ANTXR2: variants seen among roughly 807,000 people sequenced by gnomAD.
ANTXR2 encodes anthrax toxin receptor 2.
Under a neutral mutation model 73.7 loss-of-function variants are expected in ANTXR2, and 44 were observed. The ratio of observed to expected loss-of-function variants is 0.60; its 90% confidence interval spans 0.47 to 0.77. The LOEUF (loss-of-function observed/expected upper bound fraction) is 0.77, where lower values mean the gene tolerates loss of function less well. Ranked by LOEUF, ANTXR2 falls within the 30% of genes least tolerant of loss-of-function variation. The pLI is 0.00. For synonymous variants in ANTXR2, 217 were observed against 205.9 expected (o/e 1.05, Z -0.46); for missense variants, 604 against 592.5 (o/e 1.02, Z -0.20).
intron 16 of ANTXR2, among the ~76,000 whole-genome samples, chr4:79,960,375 C>G (rs1578113244): frequency 6.6e-6 from 1 of 151,938 alleles, no homozygotes; most frequent in African/African-American, 2.4e-5. Context: ...ATTATGGGAA[C>G]CTAAAGTATC....
intron 16 of ANTXR2, among the ~76,000 whole-genome samples, chr4:79,976,123 A>T (rs1361878696): frequency 2.6e-5 from 4 of 152,040 alleles, no homozygotes; most frequent in Non-Finnish European, 5.9e-5. Flanking sequence ...CATGTTAGCC[A>T]GGATGGTCTC....
intron 16 of ANTXR2, among the ~76,000 whole-genome samples, chr4:79,930,296 G>A (rs1270150413): frequency 6.6e-6 from 1 of 152,106 alleles, no homozygotes; most frequent in African/African-American, 2.4e-5. Flanking sequence ...TTATATAAGA[G>A]AGGCCTTACC....
chr4:79,996,572 A>G (rs4422368), intron 12 of ANTXR2, among the ~76,000 whole-genome samples: 97,111 of 151,736 alleles, frequency 0.64, 34,037 homozygotes, highest in East Asian at 0.94. Flanking sequence ...TCTGCCACAC[A>G]ACCTCATGAG....
intron 16 of ANTXR2, among the ~76,000 whole-genome samples, chr4:79,912,827 A>G (rs201335917): frequency 1.3e-5 from 2 of 152,130 alleles, no homozygotes; most frequent in Non-Finnish European, 1.5e-5. Flanking sequence ...ACTCTATTCT[A>G]CAGCCATTAA....
chr4:79,993,854 A>G (rs1730602907), intron 12 of ANTXR2, among the ~76,000 whole-genome samples: 1 of 151,608 alleles, frequency 6.6e-6, no homozygotes, highest in Non-Finnish European at 1.5e-5. Context: ...ATATCTACTG[A>G]GTCTACCAAT....
At chr4:80,042,307 C>T (rs1400593538) in intron 7 of ANTXR2, among the ~76,000 whole-genome samples, 1 of 152,042 alleles carries the variant, frequency 6.6e-6, no homozygotes, top group Non-Finnish European at 1.5e-5. Flanking sequence ...TCTTAGAACA[C>T]ATTTTCTTTA....
rs575903879 is a variant in ANTXR2, at chr4:79,926,219, G to C, written c.1429-18752C>G. Among the ~76,000 whole-genome samples the C allele has an allele frequency of 9.9e-5, 15 of 152,152 alleles. No homozygotes were observed. The South Asian group carries it at 3.1e-3, about 32-fold the overall frequency. On this transcript the variant is annotated intron_variant, in intron 16 of 16. Transcript: ENST00000403729. ...TTAACACCCTATATTTGGTTCACAT[G>C]TTCTTGTGTATGTTTCTGAAGGAAT...
At chr4:79,985,455 G>A (rs115411149) in intron 12 of ANTXR2, among the ~76,000 whole-genome samples, 187 of 152,280 alleles carry the variant, frequency 1.2e-3, no homozygotes, top group African/African-American at 4.2e-3. Flanking sequence ...CCTGACATCC[G>A]TGGAACACTC....
intron 16 of ANTXR2, among the ~76,000 whole-genome samples, chr4:79,973,435 T>TC (rs1391150571): frequency 1.8e-4 from 28 of 151,860 alleles, no homozygotes; most frequent in Admixed American, 7.9e-4. Context: ...TTTTTTTTTT[T>TC]CCCTCTGTTG....
At chr4:80,052,676 T>C (rs1269306141) in intron 7 of ANTXR2, among the ~76,000 whole-genome samples, 1 of 151,684 alleles carries the variant, frequency 6.6e-6, no homozygotes, top group Admixed American at 6.6e-5. Flanking sequence ...TGTTGGCAAA[T>C]TGTGGCTAAA....
At chr4:79,924,390 C>T (rs1032674537) in intron 16 of ANTXR2, among the ~76,000 whole-genome samples, 2 of 152,004 alleles carry the variant, frequency 1.3e-5, no homozygotes, top group Non-Finnish European at 2.9e-5. Context: ...CTTTGGGAGG[C>T]CTAGGCAGGA....
At chr4:79,989,461 T>A (rs528878703) in intron 12 of ANTXR2, among the ~76,000 whole-genome samples, 1 of 151,790 alleles carries the variant, frequency 6.6e-6, no homozygotes, top group Non-Finnish European at 1.5e-5. Flanking sequence ...CCTGAACAGA[T>A]AAATAACAAG....
At chr4:80,035,851 A>G in intron 8 of ANTXR2, 121 bp downstream of exon 8, 1 of 805,292 alleles carries the variant, frequency 1.2e-6, no homozygotes, top group Non-Finnish European at 2.0e-6. Flanking sequence ...TTCTTACACA[A>G]AAAAGATGCC....
chr4:79,953,023 A>C (rs186716047), intron 16 of ANTXR2, among the ~76,000 whole-genome samples: 60 of 152,134 alleles, frequency 3.9e-4, no homozygotes, highest in Middle Eastern at 3.4e-3. Flanking sequence ...ATCATGGGGA[A>C]CCCTTGGCCC....
intron 12 of ANTXR2, among the ~76,000 whole-genome samples, chr4:79,993,073 T>A (rs902967939): frequency 1.3e-5 from 2 of 152,088 alleles, no homozygotes; most frequent in Non-Finnish European, 2.9e-5. Context: ...AAGGGTTTAT[T>A]AATTTTATCT....
At chr4:79,925,365 T>C (rs1727744522) in intron 16 of ANTXR2, among the ~76,000 whole-genome samples, 2 of 151,900 alleles carry the variant, frequency 1.3e-5, no homozygotes, top group Admixed American at 1.3e-4. Context: ...TGGGCACTTC[T>C]ATTTTTAAAT....
intron 14 of ANTXR2, among the ~76,000 whole-genome samples, chr4:79,983,010 G>C (rs1473350493): frequency 6.6e-6 from 1 of 152,056 alleles, no homozygotes; most frequent in African/African-American, 2.4e-5. Flanking sequence ...TTGTTCATTA[G>C]GTTATCAATT....
At chr4:80,056,075 C>G in intron 3 of ANTXR2, 62 bp from the exon 4 acceptor site, 1 of 1,180,162 alleles carries the variant, frequency 8.5e-7, no homozygotes, top group Non-Finnish European at 1.2e-6. Flanking sequence ...ATAAACACTT[C>G]TTAAAAAACA....
intron 16 of ANTXR2, among the ~76,000 whole-genome samples, chr4:79,975,721 G>C (rs1729596426): frequency 6.6e-6 from 1 of 152,122 alleles, no homozygotes; most frequent in African/African-American, 2.4e-5. Flanking sequence ...GTTAGTACAT[G>C]TTGTTCCAGA....
Sources: allele counts gnomAD v4.1 joint callset (sites outside exome capture counted in the v4.1 genomes callset), GRCh38; gene constraint gnomAD v4.1.1; transcripts MANE v1.5; gene names NCBI Gene and HGNC (gene_info 2026-07-23, HGNC 2026-07-21).